Variants in OPCML observed in about 807,000 individuals in gnomAD.
OPCML encodes the protein opioid binding protein/cell adhesion molecule like, also known as opioid-binding protein/cell adhesion molecule.
OPCML carries 13 observed loss-of-function variants against 37.8 expected under a neutral mutation model. That is an observed-to-expected ratio of 0.34 (90% CI 0.22 to 0.55). The LOEUF (loss-of-function observed/expected upper bound fraction) is 0.55. Among genes scored for constraint, OPCML ranks in the 20% least tolerant of loss-of-function variants. The pLI is 0.91. For missense variants in OPCML, 341 were observed against 435.6 expected (o/e 0.78, Z 1.93); for synonymous variants, 176 against 168.8 (o/e 1.04, Z -0.33).
At chr11:132,598,774 C>T (rs186996723) in intron 3 of OPCML, among the ~76,000 whole-genome samples, 1 of 152,242 alleles carries the variant, frequency 6.6e-6, no homozygotes, top group East Asian at 1.9e-4. Flanking sequence ...TAGTCTTTCT[C>T]CCATGGTTCG....
intron 2 of OPCML, among the ~76,000 whole-genome samples, chr11:132,876,125 A>G (rs1943000421): frequency 6.6e-6 from 1 of 152,236 alleles, no homozygotes; most frequent in Non-Finnish European, 1.5e-5. Flanking sequence ...CTCCTGTCCC[A>G]GTCCAAACTA....
intron 1 of OPCML, among the ~76,000 whole-genome samples, chr11:132,971,274 G>A (rs138991750): frequency 8.5e-5 from 13 of 152,160 alleles, no homozygotes; most frequent in East Asian, 5.8e-4. Flanking sequence ...AGTAAATATT[G>A]ACTAAAATTT....
intron 1 of OPCML, among the ~76,000 whole-genome samples, chr11:133,334,083 G>C (rs1265442714): frequency 6.6e-6 from 1 of 152,196 alleles, no homozygotes; most frequent in African/African-American, 2.4e-5. Context: ...AAGCAGTACA[G>C]TGATTCTTCA....
Position 133,211,253 on chromosome 11 carries a change from G to A in OPCML, c.62-268243C>T, listed in dbSNP as rs544997201. ...CCTGGGTCCCAGTGAGTGAGGTGGT[G>A]GACATTTGTTATTTTTAGAGCCTCT... is the stretch of plus-strand genomic sequence containing the variant. On this transcript the variant is annotated intron_variant, in intron 1 of 7. Transcript: ENST00000524381. The surrounding 1 kb of genome is among the most constrained non-coding windows in gnomAD (Gnocchi z 4.1). 3.3e-5 allele frequency among the ~76,000 whole-genome samples: 5 copies of A among 152,122 alleles called. No individual in the cohort carries two copies. Among genetic ancestry groups the A allele is most frequent in the Non-Finnish European group, 5.9e-5 (4 of 68,026 alleles).
chr11:132,919,267 A>G (rs1565963512), intron 2 of OPCML, among the ~76,000 whole-genome samples: 1 of 152,158 alleles, frequency 6.6e-6, no homozygotes, highest in Non-Finnish European at 1.5e-5. Context: ...GTTCTAAGAC[A>G]GTGGTTCTCA....
intron 4 of OPCML, among the ~76,000 whole-genome samples, chr11:132,452,661 C>T (rs1264393304): frequency 6.6e-6 from 1 of 151,868 alleles, no homozygotes; most frequent in African/African-American, 2.4e-5. Context: ...TTTTTCATGT[C>T]CTCCCTCACT....
chr11:132,892,120 C>A (rs941086726), intron 2 of OPCML, among the ~76,000 whole-genome samples: 20 of 152,192 alleles, frequency 1.3e-4, no homozygotes, highest in African/African-American at 4.6e-4. Context: ...TTTTAAAAGA[C>A]AAGAGCCTTT....
intron 1 of OPCML, among the ~76,000 whole-genome samples, chr11:133,120,259 C>T (rs967550661): frequency 6.6e-6 from 1 of 152,174 alleles, no homozygotes; most frequent in Admixed American, 6.5e-5. Flanking sequence ...CACACATTTA[C>T]TGAGCAAAGC....
chr11:133,119,834 C>T (rs1353969653), intron 1 of OPCML, among the ~76,000 whole-genome samples: 3 of 152,026 alleles, frequency 2.0e-5, no homozygotes, highest in Non-Finnish European at 2.9e-5. Flanking sequence ...ACAGGATGCA[C>T]GTGGGAGTGA....
chr11:132,622,596 C>T (rs1939490132), intron 3 of OPCML, among the ~76,000 whole-genome samples: 1 of 152,140 alleles, frequency 6.6e-6, no homozygotes, highest in Non-Finnish European at 1.5e-5. Context: ...GTTCTGCTGG[C>T]TTCAGCTGGC....
chr11:133,482,648 G>A (rs896808517), intron 1 of OPCML, among the ~76,000 whole-genome samples: 2 of 152,092 alleles, frequency 1.3e-5, no homozygotes, highest in African/African-American at 4.8e-5. Flanking sequence ...AGCTACCAGA[G>A]CTTTAAGATT....
chr11:132,849,070 C>A (rs2136322986), intron 2 of OPCML, among the ~76,000 whole-genome samples: 1 of 152,282 alleles, frequency 6.6e-6, no homozygotes, highest in South Asian at 2.1e-4. Context: ...AGGATCAGAA[C>A]TTCTTAGGCT....
chr11:133,058,992 C>G (rs1038752809), intron 1 of OPCML, among the ~76,000 whole-genome samples: 3 of 152,200 alleles, frequency 2.0e-5, no homozygotes, highest in African/African-American at 7.2e-5. Flanking sequence ...AAACTTTGCT[C>G]TAAGCTTCAG....
chr11:133,256,896 G>A (rs754025591), intron 1 of OPCML, among the ~76,000 whole-genome samples: 1 of 152,130 alleles, frequency 6.6e-6, no homozygotes, highest in South Asian at 2.1e-4. Context: ...CTCTTAACTG[G>A]TAACTGAACC....
In OPCML at chr11:132,417,259, G is replaced by A. The variant is rs1257634902; in HGVS notation, c.*2934C>T. On this transcript the variant is annotated 3_prime_UTR_variant, in exon 8 of 8. Coordinates refer to ENST00000524381, the MANE Select transcript of OPCML (RefSeq NM_001012393.5). ...TGTTCTATATGCTTCAAAATGATGG[G>A]TGACAGCCACTCTCCCATGAAGCCA... The A allele has an allele frequency of 6.6e-6, 1 of 152,136 alleles. No homozygotes were observed. The highest frequency in any genetic ancestry group is 6.5e-5 in the Admixed American group (1 of 15,272). 9.4% of individuals were successfully genotyped at this position (152,136 alleles called of 1,614,324 possible).
At chr11:133,296,999 A>G (rs1417656913) in intron 1 of OPCML, among the ~76,000 whole-genome samples, 2 of 152,080 alleles carry the variant, frequency 1.3e-5, no homozygotes. Flanking sequence ...ACAGTTGCAA[A>G]CCCATTAACA....
Position 132,983,298 on chromosome 11 carries a change from T to C in OPCML, c.62-40288A>G, listed in dbSNP as rs187840425. ...CCAAGCCAGCACCCAAGTGCAATGC[T>C]GGGTAAATGCCTCTGGGATTGGTCC... is the stretch of plus-strand genomic sequence containing the variant. On this transcript the variant is annotated intron_variant, in intron 1 of 7. Coordinates refer to ENST00000524381, the MANE Select transcript of OPCML (RefSeq NM_001012393.5). 1.1e-4 allele frequency among the ~76,000 whole-genome samples: 17 copies of C among 152,378 alleles called. No individual in the cohort carries two copies. In the East Asian group the frequency reaches 3.3e-3, roughly 29 times the overall value.
chr11:132,761,304 G>T (rs1442814419), intron 2 of OPCML, among the ~76,000 whole-genome samples: 1 of 150,894 alleles, frequency 6.6e-6, no homozygotes, highest in Non-Finnish European at 1.5e-5. Flanking sequence ...TCTCCTCAAG[G>T]AGTATCTTTG....
Position 133,141,003 on chromosome 11 carries a change from C to CGAA in OPCML, c.62-197994_62-197993insTTC, listed in dbSNP as rs1315137469. Among the ~76,000 whole-genome samples, 5 of 5,254 alleles carry CGAA rather than the reference C, an allele frequency of 9.5e-4. 2 individuals are homozygous for CGAA. The highest frequency in any genetic ancestry group is 2.0e-3 in the African/African-American group (5 of 2,522). 3.4% of individuals were successfully genotyped at this position (5,254 alleles called of 152,430 possible). Reference sequence around the variant, plus strand: ...AAGAAGAAGAAGAAGAAGAAGACGACGACGACGACGACGACGACGACGACG... The same window carrying CGAA: ...AAGAAGAAGAAGAAGAAGAAGACGACGAAGACGACGACGACGACGACGACGACG... On this transcript the variant is annotated intron_variant, in intron 1 of 7. Transcript: ENST00000524381.
Sources: gnomAD v4.1 joint callset for allele counts (sites outside exome capture counted in the v4.1 genomes callset) on GRCh38, gnomAD v4.1.1 for gene constraint, Gnocchi (gnomAD v3.1) non-coding constraint, MANE v1.5 for transcripts, NCBI Gene and HGNC (gene_info 2026-07-23, HGNC 2026-07-21) for gene names.